HTR3B: variants seen among roughly 807,000 people sequenced by gnomAD.
HTR3B encodes the protein 5-hydroxytryptamine receptor 3B.
A neutral mutation model predicts 42.8 loss-of-function variants in HTR3B; 44 were observed. That is an observed-to-expected ratio of 1.03 (90% CI 0.81 to 1.32). HTR3B has a LOEUF of 1.32. HTR3B is among the 40% of genes most tolerant of loss of function. HTR3B has a pLI of 0.00. For synonymous variants in HTR3B, 203 were observed against 209.0 expected (o/e 0.97, Z 0.25); for missense variants, 527 against 536.5 (o/e 0.98, Z 0.17).
At chr11:113,904,118 T>C (rs1431711716), upstream of HTR3B, among the ~76,000 whole-genome samples, 1 of 152,152 alleles carries the variant, frequency 6.6e-6, no homozygotes. Flanking sequence ...AAATGGAAAA[T>C]AGTGTTATTG....
intron 6 of HTR3B, among the ~76,000 whole-genome samples, chr11:113,933,556 G>A (rs1349863392): frequency 6.6e-6 from 1 of 151,848 alleles, no homozygotes; most frequent in Admixed American, 6.6e-5. Context: ...TTATTAACTT[G>A]AATATCTTAA....
intron 6 of HTR3B, among the ~76,000 whole-genome samples, chr11:113,936,976 T>G (rs1469460366): frequency 6.6e-6 from 1 of 152,244 alleles, no homozygotes; most frequent in Non-Finnish European, 1.5e-5. Flanking sequence ...AATACCTTTG[T>G]GTACTTATTA....
chr11:113,940,133 C>T (rs1313361267), intron 6 of HTR3B, among the ~76,000 whole-genome samples: 9 of 152,038 alleles, frequency 5.9e-5, no homozygotes, highest in Non-Finnish European at 1.0e-4. Flanking sequence ...GTGATCCACC[C>T]GCGTTGGCCT....
intron 2 of HTR3B, among the ~76,000 whole-genome samples, chr11:113,910,629 C>T (rs60436791): frequency 1.7e-3 from 261 of 150,778 alleles, no homozygotes; most frequent in African/African-American, 6.0e-3. Flanking sequence ...TTAGTAGAGA[C>T]GGGGTTTCAC....
chr11:113,942,774 T>C (rs1950145693), intron 6 of HTR3B, among the ~76,000 whole-genome samples: 1 of 152,202 alleles, frequency 6.6e-6, no homozygotes, highest in Non-Finnish European at 1.5e-5. Flanking sequence ...ATAATATTAA[T>C]ATTAGCTCTG....
At chr11:113,900,880 G>A (rs1262771631), upstream of HTR3B, among the ~76,000 whole-genome samples, 1 of 152,064 alleles carries the variant, frequency 6.6e-6, no homozygotes, top group Non-Finnish European at 1.5e-5. Flanking sequence ...GAGAGAGAAG[G>A]GGGAAGCGCC....
rs750582398 is a variant in HTR3B, at chr11:113,944,740, C to A, written c.1075C>A (p.Arg359Ser). The A allele has an allele frequency of 2.5e-6, 4 of 1,613,918 alleles. No homozygotes were observed. Among genetic ancestry groups the A allele is most frequent in the African/African-American group, 1.3e-5 (1 of 74,912 alleles). ...GCCTAGAGTGGAACCCAGGGCCCAA[C>A]GTGCTGTGGTAACAGGTGTGTGAGA... Reference protein sequence around the residue: ...DRPRVEPRAQRAVVTESSLYG... With the variant: ...DRPRVEPRAQSAVVTESSLYG... Residue 359 changes from arginine to serine, a missense_variant, in exon 8 of 9, where the codon CGT becomes AGT. Coordinates refer to ENST00000260191, the MANE Select transcript of HTR3B (RefSeq NM_006028.5).
chr11:113,900,936 A>C (rs192855829), upstream of HTR3B, among the ~76,000 whole-genome samples: 9 of 152,236 alleles, frequency 5.9e-5, no homozygotes, highest in Admixed American at 5.2e-4. Flanking sequence ...TATCATGAGA[A>C]CAGCAAGGGG....
intron 2 of HTR3B, among the ~76,000 whole-genome samples, chr11:113,915,196 T>G (rs1949839610): frequency 7.0e-6 from 1 of 142,082 alleles, no homozygotes; most frequent in Admixed American, 8.4e-5. Context: ...ATTTTTTTGT[T>G]TGTTTGTTTT....
chr11:113,939,675 C>A (rs764209423), intron 6 of HTR3B, among the ~76,000 whole-genome samples: 2 of 152,186 alleles, frequency 1.3e-5, no homozygotes, highest in African/African-American at 4.8e-5. Flanking sequence ...GAGGTGTCAT[C>A]TCAGCTTGTT....
chr11:113,902,730 C>A (rs565840806), upstream of HTR3B, among the ~76,000 whole-genome samples: 1 of 152,350 alleles, frequency 6.6e-6, no homozygotes, highest in African/African-American at 2.4e-5. Flanking sequence ...CCACATACCT[C>A]ATTCGAGTTT....
intron 2 of HTR3B, among the ~76,000 whole-genome samples, chr11:113,919,651 C>A (rs2137502137): frequency 6.6e-6 from 1 of 152,066 alleles, no homozygotes; most frequent in South Asian, 2.1e-4. Context: ...CATGGAGAAA[C>A]CCCTGTCTCT....
rs188605113 is a variant in HTR3B, at chr11:113,942,027, A to G, written c.697-955A>G. 1.8e-4 allele frequency among the ~76,000 whole-genome samples: 28 copies of G among 152,310 alleles called. No individual in the cohort carries two copies. The East Asian group carries it at 5.2e-3, about 28-fold the overall frequency. ...TTCCTGCCCGGAATGATAGACACAC[A>G]GGTGCTAAGGAGTTCAGAATCCAAG... On this transcript the variant is annotated intron_variant, in intron 6 of 8. Transcript: ENST00000260191.
At chr11:113,925,150 C>T (rs1454889929) in intron 2 of HTR3B, among the ~76,000 whole-genome samples, 3 of 152,138 alleles carry the variant, frequency 2.0e-5, no homozygotes, top group Admixed American at 2.0e-4. Flanking sequence ...CCCTATCCAA[C>T]CTGAATTCTC....
intron 2 of HTR3B, among the ~76,000 whole-genome samples, chr11:113,927,271 A>G (rs1168071174): frequency 3.9e-5 from 6 of 152,098 alleles, no homozygotes; most frequent in Non-Finnish European, 8.8e-5. Context: ...TGTTTTGACC[A>G]TTCTTTCCAT....
chr11:113,908,367 A>G (rs1021913068), intron 1 of HTR3B, among the ~76,000 whole-genome samples: 6 of 152,106 alleles, frequency 3.9e-5, no homozygotes, highest in Admixed American at 2.0e-4. Flanking sequence ...AACCATCAAA[A>G]CCACTGACAG....
chr11:113,922,587 G>T (rs1009771767), intron 2 of HTR3B, among the ~76,000 whole-genome samples: 1 of 151,008 alleles, frequency 6.6e-6, no homozygotes, highest in East Asian at 2.0e-4. Context: ...ACGCAGTCTC[G>T]CTCTGTCGCC....
intron 6 of HTR3B, among the ~76,000 whole-genome samples, chr11:113,941,883 TC>T (rs1259612496): frequency 1.3e-5 from 2 of 152,098 alleles, no homozygotes; most frequent in Non-Finnish European, 2.9e-5. Context: ...GATCACCCAG[TC>T]CCCGAAAAGC....
intron 5 of HTR3B, 134 bp from the exon 6 acceptor site, chr11:113,932,802 T>G: frequency 1.2e-6 from 1 of 859,282 alleles, no homozygotes; most frequent in Non-Finnish European, 1.8e-6. Context: ...TACCCCCTAA[T>G]TCAAATAAGG....
Sources: allele counts gnomAD v4.1 joint callset (sites outside exome capture counted in the v4.1 genomes callset), GRCh38; gene constraint gnomAD v4.1.1; transcripts MANE v1.5; gene names NCBI Gene and HGNC (gene_info 2026-07-23, HGNC 2026-07-21).